The following WASF2 variants were observed in gnomAD, a reference collection of about 807,000 sequenced individuals.
WASF2 encodes the protein WASP family member 2.
Under a neutral mutation model 45.0 loss-of-function variants are expected in WASF2, and 14 were observed. The observed-to-expected ratio is 0.31, with a 90% CI of 0.21 to 0.49. The LOEUF (loss-of-function observed/expected upper bound fraction) is 0.49, where lower values mean the gene tolerates loss of function less well. WASF2 is among the 20% of genes least tolerant of loss of function. WASF2 has a pLI of 0.99. For synonymous variants in WASF2, 200 were observed against 236.3 expected (o/e 0.85, Z 1.41); for missense variants, 439 against 636.1 (o/e 0.69, Z 3.33).
At chr1:27,473,446 C>A in intron 1 of WASF2, among the ~76,000 whole-genome samples, 1 of 135,632 alleles carries the variant, frequency 7.4e-6, no homozygotes, top group Admixed American at 7.9e-5. Context: ...AGACTCCAGA[C>A]TCCATGGCCA....
intron 1 of WASF2, among the ~76,000 whole-genome samples, chr1:27,482,443 A>G (rs1302318534): frequency 1.3e-5 from 2 of 152,172 alleles, no homozygotes; most frequent in African/African-American, 4.8e-5. Context: ...GAATCCTGAC[A>G]AGTTCTGGCA....
intron 1 of WASF2, among the ~76,000 whole-genome samples, chr1:27,481,126 C>T (rs532515962): frequency 2.3e-4 from 34 of 148,506 alleles, no homozygotes; most frequent in African/African-American, 8.0e-4. Flanking sequence ...GAAACCCCGT[C>T]TCTACTAAAA....
intron 1 of WASF2, among the ~76,000 whole-genome samples, chr1:27,449,530 C>T (rs1290683851): frequency 6.6e-6 from 1 of 150,692 alleles, no homozygotes; most frequent in Non-Finnish European, 1.5e-5. Flanking sequence ...ACCCAGGAGG[C>T]GGAGGTTGCA....
chr1:27,485,459 T>G (rs1184175283), intron 1 of WASF2, among the ~76,000 whole-genome samples: 1 of 151,954 alleles, frequency 6.6e-6, no homozygotes, highest in African/African-American at 2.4e-5. Context: ...GAAATAAAAT[T>G]TTTAAAATTA....
At chr1:27,460,412 C>T (rs6693871) in intron 1 of WASF2, among the ~76,000 whole-genome samples, 115,924 of 151,982 alleles carry the variant, frequency 0.76, 47,137 homozygotes, top group Non-Finnish European at 0.91. Flanking sequence ...AAAAATGCAC[C>T]TGTATTATGT....
intron 1 of WASF2, among the ~76,000 whole-genome samples, chr1:27,477,924 A>T (rs1465694293): frequency 1.7e-4 from 17 of 101,424 alleles, no homozygotes; most frequent in South Asian, 1.2e-3. Flanking sequence ...ATAAATAAAA[A>T]AAAAAATAAA....
At chr1:27,449,000 T>G (rs2017346643) in intron 1 of WASF2, among the ~76,000 whole-genome samples, 1 of 152,182 alleles carries the variant, frequency 6.6e-6, no homozygotes, top group South Asian at 2.1e-4. Flanking sequence ...CTCCATACTT[T>G]TGCTCAAGTT....
At chr1:27,449,866 G>C (rs1426575376) in intron 1 of WASF2, among the ~76,000 whole-genome samples, 1 of 151,930 alleles carries the variant, frequency 6.6e-6, no homozygotes, top group Non-Finnish European at 1.5e-5. Flanking sequence ...ATTATTGGCT[G>C]GGCATGGTGG....
At position 27,478,997 on chromosome 1, in the gene WASF2, T is replaced by C. The variant is rs1302513507; in HGVS notation, c.-44+10989A>G. ...TATATAAGTTTTACCTTTAAAAATC[T>C]TGGTTAGGGCCGGGTGTGGTGGCTC... On this transcript the variant is annotated intron_variant, in intron 1 of 8. Coordinates refer to ENST00000618852, the MANE Select transcript of WASF2 (RefSeq NM_006990.5). Among the ~76,000 whole-genome samples, 5 of 151,982 alleles carry C rather than the reference T, an allele frequency of 3.3e-5. No individual in the cohort carries two copies. In the East Asian group the frequency reaches 7.7e-4, roughly 23 times the overall value.
chr1:27,433,255 T>G (rs139942211), intron 1 of WASF2, among the ~76,000 whole-genome samples: 21 of 152,294 alleles, frequency 1.4e-4, no homozygotes, highest in African/African-American at 4.6e-4. Context: ...TTCCAGTCTT[T>G]CATAACTGGA....
At chr1:27,434,611 G>A (rs1392489665) in intron 1 of WASF2, among the ~76,000 whole-genome samples, 1 of 152,142 alleles carries the variant, frequency 6.6e-6, no homozygotes, top group East Asian at 1.9e-4. Flanking sequence ...ACAGAGCCCT[G>A]AGGTTATTTA....
At chr1:27,441,924 CAAAAAAA>C (rs1223064988) in intron 1 of WASF2, among the ~76,000 whole-genome samples, 4 of 66,386 alleles carry the variant, frequency 6.0e-5, no homozygotes, top group Non-Finnish European at 9.3e-5. Flanking sequence ...GACTCCATCT[CAAAAAAA>C]AAAAAAAAAA....
At chr1:27,412,822 A>T in intron 6 of WASF2, 95 bp from the exon 7 acceptor site, 3 of 1,429,840 alleles carry the variant, frequency 2.1e-6, no homozygotes, top group Non-Finnish European at 2.9e-6. Flanking sequence ...TTGATACAAA[A>T]GCTATTAGGG....
chr1:27,411,820 G>A (rs905897007), intron 7 of WASF2, among the ~76,000 whole-genome samples: 8 of 152,174 alleles, frequency 5.3e-5, no homozygotes, highest in Admixed American at 1.3e-4. Context: ...CCAAGATCGC[G>A]CCATTGCACT....
intron 2 of WASF2, among the ~76,000 whole-genome samples, chr1:27,420,434 T>A (rs2016889756): frequency 6.6e-6 from 1 of 151,256 alleles, no homozygotes; most frequent in Non-Finnish European, 1.5e-5. Context: ...TGACACTACC[T>A]CTATATTGTC....
chr1:27,454,149 GTGTGTATATATATATATA>G lies in WASF2; in HGVS notation c.-43-25234_-43-25217del, dbSNP rs375686454. On this transcript the variant is annotated intron_variant, in intron 1 of 8. Coordinates refer to ENST00000618852, the MANE Select transcript of WASF2 (RefSeq NM_006990.5). ...TGTATATATATATGTGTGTGTGTGT[GTGTGTATATATATATATA>G]TATATATATATATATATATATTTTT... Among the ~76,000 whole-genome samples the G allele has an allele frequency of 6.5e-3, 545 of 83,588 alleles. 107 individuals carry two copies. The highest frequency in any genetic ancestry group is 0.032 in the Middle Eastern group (5 of 154). The allele number at this position is 83,588 out of a possible 152,430, so 54.8% of individuals were successfully genotyped here. A position where few individuals can be genotyped will look rare whatever the true frequency, so the allele number is the denominator to read the frequency against.
Position 27,410,136 on chromosome 1 carries a change from G to A in WASF2, c.895C>T (p.His299Tyr). ...CCTAGAGGAGGAGCTGGTGGTGGAT[G>A]GCTTGGGCTGACCACACTGGATCTT... ...PKRSSVVSPS[H>Y]PPPAPPLGSP... The change falls in exon 8 of 9, where the codon CAT becomes TAT. Residue 299 changes from histidine to tyrosine, a missense_variant. By Grantham distance (83) the His-to-Tyr change is moderately conservative. Transcript: ENST00000618852. This position sits in a 1 kb window ranked among gnomAD's most constrained non-coding sequence, Gnocchi z 4.2. 6.2e-7 allele frequency: 1 copy of A among 1,613,902 alleles called. No homozygotes were observed. The highest frequency in any genetic ancestry group is 8.5e-7 in the Non-Finnish European group (1 of 1,179,876).
intron 1 of WASF2, among the ~76,000 whole-genome samples, chr1:27,429,426 A>G (rs933112206): frequency 2.6e-5 from 4 of 152,240 alleles, no homozygotes; most frequent in African/African-American, 4.8e-5. Flanking sequence ...ATAGTGATTG[A>G]TATACATCAG....
At position 27,469,282 on chromosome 1, in the gene WASF2, G is replaced by C. The variant is rs184764736; in HGVS notation, c.-44+20704C>G. ...ATTGTTGAAGCTGAGTGTTGGGCAT[G>C]TAAGGCCTCACTATATCACCCTCTC... On this transcript the variant is annotated intron_variant, in intron 1 of 8. Coordinates refer to ENST00000618852, the MANE Select transcript of WASF2 (RefSeq NM_006990.5). 2.0e-5 allele frequency among the ~76,000 whole-genome samples: 3 copies of C among 152,298 alleles called. No individual in the cohort carries two copies. In the East Asian group the frequency reaches 5.8e-4, roughly 29 times the overall value.
Sources: allele counts gnomAD v4.1 joint callset (sites outside exome capture counted in the v4.1 genomes callset), GRCh38; gene constraint gnomAD v4.1.1; non-coding constraint Gnocchi (gnomAD v3.1); transcripts MANE v1.5; gene names NCBI Gene and HGNC (gene_info 2026-07-23, HGNC 2026-07-21).